The following YES1 variants were observed in gnomAD, a reference collection of about 807,000 sequenced individuals.
YES1 encodes tyrosine-protein kinase Yes.
Under a neutral mutation model 70.4 loss-of-function variants are expected in YES1, and 39 were observed. The ratio of observed to expected loss-of-function variants is 0.55; its 90% confidence interval spans 0.43 to 0.72. The LOEUF (loss-of-function observed/expected upper bound fraction) is 0.72, where lower values mean the gene tolerates loss of function less well. Among genes scored for constraint, YES1 ranks in the 30% least tolerant of loss-of-function variants. The pLI is 0.00. For missense variants in YES1, 495 were observed against 644.8 expected (o/e 0.77, Z 2.52); for synonymous variants, 198 against 218.6 (o/e 0.91, Z 0.83).
chr18:806,513 G>A (rs1023957324), intron 1 of YES1, among the ~76,000 whole-genome samples: 3 of 152,306 alleles, frequency 2.0e-5, no homozygotes, highest in African/African-American at 7.2e-5. Flanking sequence ...TTTGCGAAAA[G>A]TCCATAGCTG....
chr18:800,976 T>A (rs1305262993), intron 1 of YES1, among the ~76,000 whole-genome samples: 1 of 151,966 alleles, frequency 6.6e-6, no homozygotes, highest in African/African-American at 2.4e-5. Context: ...TGAAACTCCG[T>A]CTCTACTAAA....
chr18:743,487 TAAGTTTA>T (rs1199280007), intron 6 of YES1, 72 bp from the exon 7 acceptor site: 24 of 1,297,928 alleles, frequency 1.8e-5, no homozygotes, highest in Non-Finnish European at 2.4e-5. Flanking sequence ...ATCAATGTTT[TAAGTTTA>T]AACTGTAGAA....
At chr18:737,943 G>A (rs1048114988) in intron 9 of YES1, 1 of 152,002 alleles carries the variant, frequency 6.6e-6, no homozygotes, top group Non-Finnish European at 1.5e-5. Context: ...CCCGCAAAGC[G>A]AGATTATAGG....
intron 1 of YES1, among the ~76,000 whole-genome samples, chr18:803,062 A>G (rs984846480): frequency 3.3e-5 from 5 of 151,974 alleles, no homozygotes; most frequent in African/African-American, 1.2e-4. Context: ...GAAATTTTGA[A>G]TTTTAAAAAT....
chr18:800,618 G>T (rs1906770818), intron 1 of YES1, among the ~76,000 whole-genome samples: 2 of 152,220 alleles, frequency 1.3e-5, no homozygotes, highest in Non-Finnish European at 2.9e-5. Flanking sequence ...GGAAGCCAAA[G>T]AAGAAAAGGC....
chr18:733,538 T>A (rs1471223605), intron 10 of YES1, among the ~76,000 whole-genome samples: 1 of 151,540 alleles, frequency 6.6e-6, no homozygotes, highest in East Asian at 1.9e-4. Flanking sequence ...AATCCCAGCA[T>A]TTTGGGAGGC....
intron 1 of YES1, among the ~76,000 whole-genome samples, chr18:760,473 AAAAC>A (rs958531839): frequency 3.9e-4 from 60 of 152,254 alleles, no homozygotes; most frequent in East Asian, 3.3e-3. Flanking sequence ...CTGTCTAAAA[AAAAC>A]AAACAAACAA....
intron 1 of YES1, among the ~76,000 whole-genome samples, chr18:806,644 T>C (rs1386572209): frequency 6.6e-6 from 1 of 152,138 alleles, no homozygotes; most frequent in Non-Finnish European, 1.5e-5. Context: ...ACACAGTGAA[T>C]ACTAGGTCAA....
intron 1 of YES1, among the ~76,000 whole-genome samples, chr18:790,930 T>TC (rs1215343411): frequency 6.6e-6 from 1 of 152,140 alleles, no homozygotes; most frequent in Non-Finnish European, 1.5e-5. Context: ...TTCTCTATAT[T>TC]CATTCATTAA....
intron 4 of YES1, among the ~76,000 whole-genome samples, chr18:746,593 C>T (rs151256567): frequency 6.6e-6 from 1 of 152,114 alleles, no homozygotes; most frequent in East Asian, 1.9e-4. Flanking sequence ...TAAGAAGCAC[C>T]ATAGTAGAAC....
chr18:766,512 AG>A (rs1229511001), intron 1 of YES1, among the ~76,000 whole-genome samples: 1 of 151,556 alleles, frequency 6.6e-6, no homozygotes, highest in Non-Finnish European at 1.5e-5. Flanking sequence ...CAACTCTAAT[AG>A]GAAGCAACCA....
intron 1 of YES1, among the ~76,000 whole-genome samples, chr18:757,331 G>A (rs567471495): frequency 2.3e-4 from 35 of 151,638 alleles, no homozygotes; most frequent in South Asian, 8.3e-4. Flanking sequence ...GTGAAACCCC[G>A]CCTCTACTAA....
intron 11 of YES1, among the ~76,000 whole-genome samples, chr18:727,667 A>G (rs978124119): frequency 3.3e-5 from 5 of 152,214 alleles, no homozygotes; most frequent in African/African-American, 9.6e-5. Flanking sequence ...ACTCAAAATA[A>G]GTACTTTTAC....
At chr18:765,202 AATC>A (rs555913700) in intron 1 of YES1, among the ~76,000 whole-genome samples, 57 of 144,040 alleles carry the variant, frequency 4.0e-4, no homozygotes, top group Non-Finnish European at 7.0e-4. Flanking sequence ...ACGAAAAGAT[AATC>A]ATCAACTTCA....
chr18:735,015 G>A (rs189365072), intron 10 of YES1, among the ~76,000 whole-genome samples: 60 of 151,972 alleles, frequency 3.9e-4, no homozygotes, highest in African/African-American at 1.4e-3. Context: ...AAATTAGCCG[G>A]GCCTGGTGGC....
chr18:755,251 C>CTT (rs780424527), intron 2 of YES1, among the ~76,000 whole-genome samples: 14 of 141,810 alleles, frequency 9.9e-5, no homozygotes, highest in Admixed American at 5.0e-4. Flanking sequence ...TGGCCATTGC[C>CTT]TTTTTTTTTT....
chr18:797,949 A>C (rs1237108869), intron 1 of YES1: 2 of 152,170 alleles, frequency 1.3e-5, no homozygotes, highest in African/African-American at 4.8e-5. Context: ...GTTTTTAATA[A>C]TATAAACTTC....
At chr18:734,295 C>T (rs1341494382) in intron 10 of YES1, among the ~76,000 whole-genome samples, 4 of 151,184 alleles carry the variant, frequency 2.6e-5, no homozygotes, top group East Asian at 3.9e-4. Flanking sequence ...TGGCTCACGC[C>T]TGTATTCCCA....
At chr18:807,331 CAAAAAAA>C (rs34717750) in intron 1 of YES1, among the ~76,000 whole-genome samples, 2 of 125,678 alleles carry the variant, frequency 1.6e-5, no homozygotes, top group Non-Finnish European at 3.4e-5. Context: ...GATACTTCAT[CAAAAAAA>C]AAAAAAAAAA....
Sources: allele counts gnomAD v4.1 joint callset (sites outside exome capture counted in the v4.1 genomes callset), GRCh38; gene constraint gnomAD v4.1.1; transcripts MANE v1.5; gene names NCBI Gene and HGNC (gene_info 2026-07-23, HGNC 2026-07-21).